CAMTA1: variants seen among roughly 807,000 people sequenced by gnomAD.
The protein encoded by CAMTA1 is calmodulin-binding transcription activator 1.
In CAMTA1, 27 loss-of-function variants were observed where a neutral mutation model predicts 170.9. The ratio of observed to expected loss-of-function variants is 0.16; its 90% confidence interval spans 0.12 to 0.22. CAMTA1 has a LOEUF of 0.22. CAMTA1 is among the 10% of genes least tolerant of loss of function. The pLI is 1.00. For missense variants in CAMTA1, 1,619 were observed against 2,217.2 expected (o/e 0.73, Z 5.42); for synonymous variants, 833 against 891.5 (o/e 0.93, Z 1.17).
At chr1:7,687,488 C>CT (rs1432290949) in intron 11 of CAMTA1, among the ~76,000 whole-genome samples, 1 of 152,098 alleles carries the variant, frequency 6.6e-6, no homozygotes, top group Non-Finnish European at 1.5e-5. Context: ...ATACCTGTCT[C>CT]TGAGCTCAGA....
chr1:7,708,683 T>C (rs934093446), intron 11 of CAMTA1, among the ~76,000 whole-genome samples: 1 of 152,218 alleles, frequency 6.6e-6, no homozygotes, highest in Admixed American at 6.5e-5. Context: ...AGACATGATG[T>C]GGAGAGACTG....
In CAMTA1 at chr1:6,971,741, C is replaced by T. The variant is rs183694962; in HGVS notation, c.235-119563C>T. On this transcript the variant is annotated intron_variant, in intron 3 of 22. Coordinates refer to ENST00000303635, the MANE Select transcript of CAMTA1 (RefSeq NM_015215.4). This position sits in a 1 kb window ranked among gnomAD's most constrained non-coding sequence, Gnocchi z 4.6. ...GGTAAGTGATTGGTGTGGATTCCTGCTCTCCGAAGGAAAAAGGAAAGAGAA... is the reference window on the plus strand; with the variant it reads ...GGTAAGTGATTGGTGTGGATTCCTGTTCTCCGAAGGAAAAAGGAAAGAGAA... 8.1e-4 allele frequency among the ~76,000 whole-genome samples: 123 copies of T among 152,314 alleles called. 1 individual carries two copies. Among genetic ancestry groups the T allele is most frequent in the Admixed American group, 1.4e-3 (21 of 15,300 alleles).
chr1:7,109,943 G>A (rs748704986), intron 4 of CAMTA1, among the ~76,000 whole-genome samples: 1 of 152,202 alleles, frequency 6.6e-6, no homozygotes, highest in African/African-American at 2.4e-5. Context: ...CACATCTTCT[G>A]TTTGGTTTCT....
At chr1:6,785,873 G>A (rs1639100805) in intron 1 of CAMTA1, among the ~76,000 whole-genome samples, 1 of 147,520 alleles carries the variant, frequency 6.8e-6, no homozygotes, top group Non-Finnish European at 1.5e-5. Flanking sequence ...CGAGGAGGAG[G>A]AGCCGGCGGA....
At chr1:7,527,920 C>G (rs2094448044) in intron 6 of CAMTA1, among the ~76,000 whole-genome samples, 1 of 152,186 alleles carries the variant, frequency 6.6e-6, no homozygotes, top group Admixed American at 6.5e-5. Context: ...AGCACCAATG[C>G]TCTAGAGATC....
intron 4 of CAMTA1, among the ~76,000 whole-genome samples, chr1:7,164,167 G>C (rs1342847525): frequency 6.6e-6 from 1 of 152,116 alleles, no homozygotes; most frequent in Non-Finnish European, 1.5e-5. Context: ...CTCTAGTGTA[G>C]AAGTCAAGTC....
intron 3 of CAMTA1, among the ~76,000 whole-genome samples, chr1:7,069,043 G>A (rs1406728452): frequency 6.6e-6 from 1 of 152,214 alleles, no homozygotes; most frequent in Non-Finnish European, 1.5e-5. Context: ...AGCAGGAAAG[G>A]CAAGTTTCAG....
chr1:7,277,083 G>A (rs1468317984), intron 5 of CAMTA1, among the ~76,000 whole-genome samples: 1 of 152,160 alleles, frequency 6.6e-6, no homozygotes, highest in African/African-American at 2.4e-5. Flanking sequence ...AATAAATGGA[G>A]TGATATACCA....
intron 7 of CAMTA1, among the ~76,000 whole-genome samples, chr1:7,656,055 C>G (rs2095900396): frequency 6.6e-6 from 1 of 152,242 alleles, no homozygotes; most frequent in South Asian, 2.1e-4. Flanking sequence ...AATGACCTAG[C>G]AAGAAGGCCC....
intron 11 of CAMTA1, among the ~76,000 whole-genome samples, chr1:7,692,468 C>G (rs1319085454): frequency 6.6e-6 from 1 of 152,118 alleles, no homozygotes; most frequent in Non-Finnish European, 1.5e-5. Flanking sequence ...ATCTGACCCT[C>G]TGTAATGCCC....
chr1:7,395,118 G>T (rs185355967), intron 5 of CAMTA1, among the ~76,000 whole-genome samples: 266 of 152,192 alleles, frequency 1.7e-3, no homozygotes, highest in Admixed American at 3.9e-3. Flanking sequence ...CCTGACCTCG[G>T]GTGATCCACC....
chr1:6,916,448 T>C (rs925576521), intron 3 of CAMTA1, among the ~76,000 whole-genome samples: 1 of 151,952 alleles, frequency 6.6e-6, no homozygotes, highest in Non-Finnish European at 1.5e-5. Context: ...CAGGCTGCTC[T>C]CCCCCAGCAT....
chr1:7,073,676 TTAAGA>T lies in CAMTA1; in HGVS notation c.235-17626_235-17622del, dbSNP rs1396587700. ...AAAGATGCTGGTAGGGCAAGTAAAA[TTAAGA>T]TTAAGAATTTGCCATGGGCTTTGGC... is the stretch of plus-strand genomic sequence containing the variant. On this transcript the variant is annotated intron_variant, in intron 3 of 22. Coordinates refer to ENST00000303635, the MANE Select transcript of CAMTA1 (RefSeq NM_015215.4). Among the ~76,000 whole-genome samples, 4 of 152,132 alleles carry T rather than the reference TTAAGA, an allele frequency of 2.6e-5. No homozygotes were observed. The East Asian group carries it at 7.7e-4, about 29-fold the overall frequency.
intron 3 of CAMTA1, among the ~76,000 whole-genome samples, chr1:6,830,379 T>A (rs1649382339): frequency 6.7e-6 from 1 of 149,042 alleles, no homozygotes. Flanking sequence ...AGTCTCACTC[T>A]GTTACCCAGG....
At chr1:7,324,477 A>T (rs1678972133) in intron 5 of CAMTA1, among the ~76,000 whole-genome samples, 1 of 151,820 alleles carries the variant, frequency 6.6e-6, no homozygotes, top group Non-Finnish European at 1.5e-5. Context: ...GTTTGAATTT[A>T]TTTTTTCCAT....
chr1:7,106,618 C>T (rs1643617088), intron 4 of CAMTA1, among the ~76,000 whole-genome samples: 1 of 151,964 alleles, frequency 6.6e-6, no homozygotes, highest in South Asian at 2.1e-4. Context: ...TTAACCGCCC[C>T]CGAGTAGTGG....
intron 6 of CAMTA1, among the ~76,000 whole-genome samples, chr1:7,637,356 G>GC (rs1328999607): frequency 2.0e-5 from 3 of 152,364 alleles, no homozygotes; most frequent in African/African-American, 7.2e-5. Context: ...CGGCCTGCTG[G>GC]CCCCTGCAGT....
intron 6 of CAMTA1, among the ~76,000 whole-genome samples, chr1:7,639,440 G>A (rs570952384): frequency 6.6e-4 from 100 of 152,306 alleles, no homozygotes; most frequent in Non-Finnish European, 1.3e-3. Context: ...GGAGTTTCCA[G>A]AGATTCTGGG....
intron 5 of CAMTA1, among the ~76,000 whole-genome samples, chr1:7,428,953 G>C (rs2092014498): frequency 6.6e-6 from 1 of 152,212 alleles, no homozygotes; most frequent in African/African-American, 2.4e-5. Context: ...CATCTTAGCA[G>C]ATGGTTATTG....
Sources: allele counts gnomAD v4.1 joint callset (sites outside exome capture counted in the v4.1 genomes callset), GRCh38; gene constraint gnomAD v4.1.1; non-coding constraint Gnocchi (gnomAD v3.1); transcripts MANE v1.5; gene names NCBI Gene and HGNC (gene_info 2026-07-23, HGNC 2026-07-21).